OPCML: variants seen among roughly 807,000 people sequenced by gnomAD.
The protein encoded by OPCML is opioid binding protein/cell adhesion molecule like, also known as opioid-binding protein/cell adhesion molecule.
In OPCML, 13 loss-of-function variants were observed where a neutral mutation model predicts 37.8. That is an observed-to-expected ratio of 0.34 (90% CI 0.22 to 0.55). OPCML has a LOEUF of 0.55. Among genes scored for constraint, OPCML ranks in the 20% least tolerant of loss-of-function variants. The pLI is 0.91. For synonymous variants in OPCML, 176 were observed against 168.8 expected, an observed-to-expected ratio of 1.04 and a Z score of -0.33; for missense variants, 341 against 435.6, an observed-to-expected ratio of 0.78 and a Z score of 1.93.
chr11:132,933,641 G>A (rs945450167), intron 2 of OPCML, among the ~76,000 whole-genome samples: 8 of 152,100 alleles, frequency 5.3e-5, no homozygotes, highest in Non-Finnish European at 1.2e-4. Context: ...TAGAGATAAA[G>A]GAGAAACATT....
chr11:132,593,337 C>T (rs559929073), intron 3 of OPCML, among the ~76,000 whole-genome samples: 50 of 152,292 alleles, frequency 3.3e-4, no homozygotes, highest in Non-Finnish European at 6.2e-4. Context: ...AGGGGCACCT[C>T]ACTCGGTTTC....
chr11:133,267,128 T>A (rs1022669152), intron 1 of OPCML, among the ~76,000 whole-genome samples: 2 of 152,186 alleles, frequency 1.3e-5, no homozygotes, highest in Non-Finnish European at 2.9e-5. Flanking sequence ...TGGAATGCAA[T>A]GTGTTGGAAA....
At position 132,590,809 on chromosome 11, in the gene OPCML, T is replaced by C. The variant is rs114474300; in HGVS notation, c.380-61623A>G. 9.5e-4 allele frequency among the ~76,000 whole-genome samples: 145 copies of C among 152,322 alleles called. 1 individual carries two copies. The highest frequency in any genetic ancestry group is 3.4e-3 in the African/African-American group (142 of 41,578). ...AACACATCAACATCCCTTTGTGTACTCTGCCTGCCGGGTGCCCTTTCGTCC... is the reference window on the plus strand; with the variant it reads ...AACACATCAACATCCCTTTGTGTACCCTGCCTGCCGGGTGCCCTTTCGTCC... On this transcript the variant is annotated intron_variant, in intron 3 of 7. Coordinates refer to ENST00000524381, the MANE Select transcript of OPCML (RefSeq NM_001012393.5).
chr11:133,317,563 CAGA>C (rs1439032523), intron 1 of OPCML, among the ~76,000 whole-genome samples: 1 of 152,192 alleles, frequency 6.6e-6, no homozygotes, highest in Non-Finnish European at 1.5e-5. Flanking sequence ...CTTTTATTAG[CAGA>C]AGTTGTTGTC....
intron 1 of OPCML, among the ~76,000 whole-genome samples, chr11:132,944,924 A>G (rs144819195): frequency 6.6e-6 from 1 of 152,316 alleles, no homozygotes; most frequent in East Asian, 1.9e-4. Context: ...GGCAAAATGA[A>G]ATTTAATTCA....
chr11:132,595,395 G>A (rs1057000779), intron 3 of OPCML, among the ~76,000 whole-genome samples: 9 of 152,264 alleles, frequency 5.9e-5, no homozygotes, highest in African/African-American at 1.9e-4. Flanking sequence ...GAAAATCTGT[G>A]GGCAAGTTAT....
chr11:133,425,873 C>T (rs1466844476), intron 1 of OPCML, among the ~76,000 whole-genome samples: 1 of 152,114 alleles, frequency 6.6e-6, no homozygotes, highest in African/African-American at 2.4e-5. Flanking sequence ...TTACTTCTTA[C>T]CTATGCATTT....
At chr11:132,840,312 G>C (rs377448170) in intron 2 of OPCML, among the ~76,000 whole-genome samples, 2 of 152,210 alleles carry the variant, frequency 1.3e-5, no homozygotes, top group African/African-American at 4.8e-5. Flanking sequence ...GGTTGCCTTT[G>C]AAATATTAGA....
intron 1 of OPCML, among the ~76,000 whole-genome samples, chr11:133,294,790 T>TC (rs1237662217): frequency 3.4e-5 from 5 of 146,636 alleles, no homozygotes; most frequent in African/African-American, 7.7e-5. Context: ...AAACTTTCTT[T>TC]TTTTTTTTCT....
In OPCML at chr11:132,809,735, C is replaced by G. The variant is rs564509710; in HGVS notation, c.146+133191G>C. Among the ~76,000 whole-genome samples the G allele has an allele frequency of 5.9e-5, 9 of 152,214 alleles. No homozygotes were observed. The South Asian group carries it at 1.9e-3, about 32-fold the overall frequency. On this transcript the variant is annotated intron_variant, in intron 2 of 7. Transcript: ENST00000524381. ...TATGAGAATTGGTCTCTGAATAGTT[C>G]ACATTCACCCCCACTTCACACACTG...
At chr11:133,111,822 C>T (rs904070650) in intron 1 of OPCML, among the ~76,000 whole-genome samples, 1 of 152,276 alleles carries the variant, frequency 6.6e-6, no homozygotes, top group Middle Eastern at 3.4e-3. Context: ...GGGAATTGCA[C>T]TGAGATTTGA....
chr11:133,352,249 C>T (rs1213175844), intron 1 of OPCML, among the ~76,000 whole-genome samples: 1 of 152,164 alleles, frequency 6.6e-6, no homozygotes, highest in Non-Finnish European at 1.5e-5. Context: ...ATTTAGGTAC[C>T]CCGTTTCCTG....
intron 4 of OPCML, among the ~76,000 whole-genome samples, chr11:132,486,271 G>A (rs2096199553): frequency 1.3e-5 from 2 of 152,148 alleles, no homozygotes; most frequent in Admixed American, 6.6e-5. Context: ...CACCCAGCAT[G>A]AAGGAGTGAT....
chr11:133,258,684 A>C (rs1941396064), intron 1 of OPCML, among the ~76,000 whole-genome samples: 1 of 152,108 alleles, frequency 6.6e-6, no homozygotes. Flanking sequence ...AGACTTCTGC[A>C]AAGGCCTCCT....
chr11:132,796,432 C>A (rs1445376604), intron 2 of OPCML, among the ~76,000 whole-genome samples: 1 of 151,984 alleles, frequency 6.6e-6, no homozygotes, highest in Non-Finnish European at 1.5e-5. Context: ...AGCGTGATAA[C>A]TTTATGTTTA....
chr11:133,052,049 C>G (rs1363788626), intron 1 of OPCML, among the ~76,000 whole-genome samples: 1 of 152,138 alleles, frequency 6.6e-6, no homozygotes, highest in South Asian at 2.1e-4. Context: ...AGGTTCATAC[C>G]CTCAGGGGAC....
Position 133,093,065 on chromosome 11 carries a change from T to A in OPCML, c.62-150055A>T, listed in dbSNP as rs193230655. 2.4e-3 allele frequency among the ~76,000 whole-genome samples: 364 copies of A among 152,174 alleles called. 1 individual carries two copies. Among genetic ancestry groups the A allele is most frequent in the Non-Finnish European group, 3.1e-3 (214 of 67,998 alleles). ...ATAAATGCATAGTAACTATAATAAT[T>A]ATTATTATTAATTTTTGTATTTCAA... is the stretch of plus-strand genomic sequence containing the variant. On this transcript the variant is annotated intron_variant, in intron 1 of 7. Transcript: ENST00000524381.
intron 1 of OPCML, among the ~76,000 whole-genome samples, chr11:133,416,137 C>T (rs11823821): frequency 0.014 from 2,063 of 152,144 alleles, 49 homozygotes; most frequent in African/African-American, 0.047. Flanking sequence ...GCTATAGCAG[C>T]AACACAAAAT....
At position 132,575,891 on chromosome 11, in the gene OPCML, A is replaced by G. The variant is rs182610530; in HGVS notation, c.380-46705T>C. The stretch of plus-strand genomic sequence containing the variant: ...CATCTTTTTTGTCTTCTATTTTTTT[A>G]GATAACAGTTTTGCCAGGCATAGTA... On this transcript the variant is annotated intron_variant, in intron 3 of 7. Transcript: ENST00000524381. Among the ~76,000 whole-genome samples the G allele has an allele frequency of 1.9e-3, 282 of 152,114 alleles. 3 individuals carry two copies. The highest frequency in any genetic ancestry group is 0.014 in the Admixed American group (211 of 15,274).
Sources: allele counts gnomAD v4.1 joint callset (sites outside exome capture counted in the v4.1 genomes callset), GRCh38; gene constraint gnomAD v4.1.1; transcripts MANE v1.5; gene names NCBI Gene and HGNC (gene_info 2026-07-23, HGNC 2026-07-21).